RYR3: variants seen among roughly 807,000 people sequenced by gnomAD.
RYR3 encodes brain ryanodine receptor-calcium release channel.
In RYR3, 207 loss-of-function variants were observed where a neutral mutation model predicts 584.3. That is an observed-to-expected ratio of 0.35 (90% CI 0.32 to 0.40). The LOEUF (loss-of-function observed/expected upper bound fraction) is 0.40. RYR3 is among the 10% of genes least tolerant of loss of function. The pLI is 1.00. For synonymous variants in RYR3, 2,416 were observed against 2,248.5 expected (o/e 1.07, Z -2.11); for missense variants, 5,616 against 6,089.2 (o/e 0.92, Z 2.59).
At position 33,359,526 on chromosome 15, in the gene RYR3, C is replaced by T. The variant is rs1035372384; in HGVS notation, c.51+48430C>T. On this transcript the variant is annotated intron_variant, in intron 1 of 103. Coordinates refer to ENST00000634891, the MANE Select transcript of RYR3 (RefSeq NM_001036.6). ...GATAGCCCCATGGCTCACATCCTCT[C>T]TCAGCCTTTCACTTCACTGAGGTTT... 3.4e-4 allele frequency among the ~76,000 whole-genome samples: 51 copies of T among 152,236 alleles called. 1 individual carries two copies. Among genetic ancestry groups the T allele is most frequent in the African/African-American group, 1.2e-3 (51 of 41,460 alleles).
chr15:33,510,199 G>A (rs2052853877), intron 3 of RYR3, among the ~76,000 whole-genome samples: 1 of 152,174 alleles, frequency 6.6e-6, no homozygotes, highest in East Asian at 1.9e-4. Flanking sequence ...GTGTTTGGAG[G>A]TTTAGATTTG....
At chr15:33,369,702 T>C (rs980293492) in intron 1 of RYR3, among the ~76,000 whole-genome samples, 5 of 152,246 alleles carry the variant, frequency 3.3e-5, no homozygotes, top group African/African-American at 1.2e-4. Flanking sequence ...GAAGATACCA[T>C]GTCCATTTTT....
At chr15:33,493,588 G>A (rs545733832) in intron 2 of RYR3, among the ~76,000 whole-genome samples, 2 of 152,108 alleles carry the variant, frequency 1.3e-5, no homozygotes, top group Admixed American at 1.3e-4. Context: ...CAGGTGCAAG[G>A]GTTCCAACTT....
rs117199428 is a variant in RYR3 at position 33,520,705 on chromosome 15, A to T, written c.280-9887A>T. Reference sequence around the variant, plus strand: ...CTGGCGATTTGCTCTTTTAAAAGACACCATAATAAGAAACATGTGTTAGGG... The same window carrying T: ...CTGGCGATTTGCTCTTTTAAAAGACTCCATAATAAGAAACATGTGTTAGGG... On this transcript the variant is annotated intron_variant, in intron 3 of 103. Coordinates refer to ENST00000634891, the MANE Select transcript of RYR3 (RefSeq NM_001036.6). Among the ~76,000 whole-genome samples the T allele has an allele frequency of 1.3e-3, 204 of 151,874 alleles. 1 individual carries two copies. Among genetic ancestry groups the T allele is most frequent in the Middle Eastern group, 6.8e-3 (2 of 294 alleles).
Position 33,596,498 on chromosome 15 carries a change from G to GGGC in RYR3, c.1789-4919_1789-4918insCGG, listed in dbSNP as rs909426059. 4.4e-4 allele frequency among the ~76,000 whole-genome samples: 60 copies of GGGC among 137,228 alleles called. 3 individuals are homozygous for GGGC. Among genetic ancestry groups the GGGC allele is most frequent in the Non-Finnish European group, 2.4e-4 (15 of 63,146 alleles). 90.0% of individuals were successfully genotyped at this position (137,228 alleles called of 152,430 possible). ...CAACTCAATATTGTTCTTTTTTTGG[G>GGGC]GGGGGGGGATTTCTGACTTCTTTTT... On this transcript the variant is annotated intron_variant, in intron 16 of 103. Coordinates refer to ENST00000634891, the MANE Select transcript of RYR3 (RefSeq NM_001036.6).
At chr15:33,538,671 T>G (rs2055543350) in intron 5 of RYR3, among the ~76,000 whole-genome samples, 1 of 152,190 alleles carries the variant, frequency 6.6e-6, no homozygotes. Context: ...TCAACCCATT[T>G]TCTGCCTTCG....
At chr15:33,442,111 G>A (rs2141880129) in intron 1 of RYR3, among the ~76,000 whole-genome samples, 1 of 152,320 alleles carries the variant, frequency 6.6e-6, no homozygotes, top group Non-Finnish European at 1.5e-5. Flanking sequence ...ACTTCTGAGT[G>A]TGTGCCAAGC....
chr15:33,321,544 T>C (rs1420270170), intron 1 of RYR3, among the ~76,000 whole-genome samples: 4 of 152,172 alleles, frequency 2.6e-5, no homozygotes, highest in African/African-American at 4.8e-5. Context: ...AATGCTCTGC[T>C]CCTTAAGTGA....
Position 33,854,906 on chromosome 15 carries a change from C to T in RYR3, c.14001C>T (p.Gly4667=). Residue 4667 remains glycine, a synonymous_variant, in exon 98 of 104, where the codon GGC becomes GGT. Coordinates refer to ENST00000634891, the MANE Select transcript of RYR3 (RefSeq NM_001036.6). ...RTILSSVTHN[G]KQLVLTVGLL... ...TTCTGTCATCTGTAACTCACAATGG[C>T]AAACAGGTATGGTTTCTACTGATGC... 1 of 1,609,534 alleles carries T rather than the reference C, an allele frequency of 6.2e-7. No homozygotes were observed. The highest frequency in any genetic ancestry group is 8.5e-7 in the Non-Finnish European group (1 of 1,178,262).
intron 67 of RYR3, among the ~76,000 whole-genome samples, 157 bp downstream of exon 67, chr15:33,788,615 G>A (rs1194102511): frequency 6.6e-6 from 1 of 152,224 alleles, no homozygotes; most frequent in African/African-American, 2.4e-5. Flanking sequence ...GGTTCCTGCT[G>A]TAGGAGCTCT....
rs1267662394 is a variant in RYR3, at chr15:33,739,996, G to C, written c.7820+1G>C. 1 of 1,613,588 alleles carries C rather than the reference G, an allele frequency of 6.2e-7. No homozygotes were observed. The highest frequency in any genetic ancestry group is 1.7e-5 in the Admixed American group (1 of 59,998). On this transcript the variant is annotated splice_donor_variant, in intron 51 of 103. Coordinates refer to ENST00000634891, the MANE Select transcript of RYR3 (RefSeq NM_001036.6). LOFTEE classifies it high-confidence loss of function. ...ACCCAAAACCTATTAACACCATGAA[G>C]TGAGTCCAGAATCATCTCTGAGCTG...
Position 33,694,456 on chromosome 15 carries a change from G to A in RYR3, c.5861-1762G>A, listed in dbSNP as rs969177787. Among the ~76,000 whole-genome samples the A allele has an allele frequency of 3.3e-5, 5 of 152,146 alleles. No individual in the cohort carries two copies. In the East Asian group the frequency reaches 9.7e-4, roughly 29 times the overall value. ...AGACGGGGTTTCACCGTGTTAGCCA[G>A]GATAGTCTCCTTCTCCTGACCTCGT... On this transcript the variant is annotated intron_variant, in intron 38 of 103. Coordinates refer to ENST00000634891, the MANE Select transcript of RYR3 (RefSeq NM_001036.6).
chr15:33,415,846 C>G (rs751174109), intron 1 of RYR3, among the ~76,000 whole-genome samples: 1 of 152,086 alleles, frequency 6.6e-6, no homozygotes, highest in African/African-American at 2.4e-5. Context: ...GTTTTTCAAC[C>G]CTTCTCCCCA....
chr15:33,847,600 C>T (rs563866125), intron 93 of RYR3: 25 of 152,402 alleles, frequency 1.6e-4, no homozygotes, highest in African/African-American at 4.1e-4. Context: ...GATTATTTTC[C>T]AATCCCTTTC....
intron 67 of RYR3, among the ~76,000 whole-genome samples, chr15:33,799,186 G>A (rs1465627370): frequency 1.3e-5 from 2 of 152,162 alleles, no homozygotes; most frequent in African/African-American, 4.8e-5. Flanking sequence ...TGAGGGAAAG[G>A]GATGAAAGGA....
chr15:33,845,135 C>G (rs3764234), intron 93 of RYR3, 73 bp downstream of exon 93: 42,675 of 1,514,322 alleles, frequency 0.028, 2,078 homozygotes, highest in East Asian at 0.25. Flanking sequence ...CCAGCCAGCC[C>G]TTTGCTCTAA....
chr15:33,337,934 ATTT>A (rs199625940), intron 1 of RYR3, among the ~76,000 whole-genome samples: 17 of 113,596 alleles, frequency 1.5e-4, no homozygotes, highest in South Asian at 3.2e-4. Flanking sequence ...ATTTTAGGAG[ATTT>A]TTTTTTTTTT....
chr15:33,670,557 G>A lies in RYR3; in HGVS notation c.5860+1G>A. On this transcript the variant is annotated splice_donor_variant, in intron 38 of 103. Coordinates refer to ENST00000634891, the MANE Select transcript of RYR3 (RefSeq NM_001036.6). LOFTEE classifies it high-confidence loss of function. The stretch of plus-strand genomic sequence containing the variant: ...ACGGAGGAGGAGGAGAGATGCCCCA[G>A]TAAGTGACATTGCCTTTAAATGACA... The A allele has an allele frequency of 6.4e-7, 1 of 1,564,010 alleles. No homozygotes were observed. The highest frequency in any genetic ancestry group is 8.6e-7 in the Non-Finnish European group (1 of 1,162,406).
chr15:33,540,148 A>T (rs1222019959), intron 6 of RYR3, among the ~76,000 whole-genome samples: 4 of 152,192 alleles, frequency 2.6e-5, no homozygotes, highest in Non-Finnish European at 5.9e-5. Context: ...CTATATGCAC[A>T]TTAACTCCCA....
Sources: allele counts gnomAD v4.1 joint callset (sites outside exome capture counted in the v4.1 genomes callset), GRCh38; gene constraint gnomAD v4.1.1; transcripts MANE v1.5; gene names NCBI Gene and HGNC (gene_info 2026-07-23, HGNC 2026-07-21).